IFT140: variants seen among roughly 807,000 people sequenced by gnomAD.
The protein encoded by IFT140 is intraflagellar transport 140, also known as intraflagellar transport protein 140 homolog.
In IFT140, 133 loss-of-function variants were observed where a neutral mutation model predicts 164.6. The ratio of observed to expected loss-of-function variants is 0.81; its 90% CI spans 0.70 to 0.93. The LOEUF (loss-of-function observed/expected upper bound fraction) is 0.93. Ranked by LOEUF, IFT140 falls within the 40% of genes least tolerant of loss-of-function variation. The pLI is 0.00. For synonymous variants in IFT140, 860 were observed against 817.3 expected (o/e 1.05, Z -0.89); for missense variants, 2,045 against 1,972.3 (o/e 1.04, Z -0.70).
chr16:1,571,822 G>A (rs1415300281), intron 13 of IFT140, among the ~76,000 whole-genome samples: 1 of 152,096 alleles, frequency 6.6e-6, no homozygotes, highest in African/African-American at 2.4e-5. Flanking sequence ...CAGTGCGGTC[G>A]ACAAACAAAT....
chr16:1,535,600 CCA>C (rs745904266), intron 19 of IFT140, among the ~76,000 whole-genome samples: 2 of 152,304 alleles, frequency 1.3e-5, no homozygotes, highest in East Asian at 3.9e-4. Flanking sequence ...TGTGCCTCAA[CCA>C]CACAGCTCCA....
At chr16:1,524,304 C>T in intron 24 of IFT140, 2 of 625,302 alleles carry the variant, frequency 3.2e-6, no homozygotes, top group East Asian at 2.8e-5. Flanking sequence ...AGCCTCACCA[C>T]CCACTCAGGA....
intron 15 of IFT140, among the ~76,000 whole-genome samples, chr16:1,567,928 C>A (rs2033807168): frequency 6.6e-6 from 1 of 152,184 alleles, no homozygotes; most frequent in Admixed American, 6.5e-5. Flanking sequence ...GAGCAACTCT[C>A]CAACAAGGAA....
rs1431392705 is a variant in IFT140, at chr16:1,553,257, T to C, written c.2399+4678A>G. The C allele has an allele frequency of 1.0e-6, 1 of 977,882 alleles. No homozygotes were observed. Among genetic ancestry groups the C allele is most frequent in the East Asian group, 1.1e-4 (1 of 8,766 alleles). The allele number at this position is 977,882 out of a possible 1,614,324, so 60.6% of individuals were successfully genotyped here. The stretch of plus-strand genomic sequence containing the variant: ...CTCTGTGTCTGTCTCTGTCTCTCTG[T>C]ATCTCTCTTGGTCTCTGTCTCTCTG... On this transcript the variant is annotated intron_variant, in intron 19 of 30. Transcript: ENST00000426508. The surrounding 1 kb of genome is among the most constrained non-coding windows in gnomAD (Gnocchi z 4.4).
intron 19 of IFT140, chr16:1,534,278 G>T: frequency 6.2e-7 from 1 of 1,611,270 alleles, no homozygotes; most frequent in South Asian, 1.1e-5. Context: ...CGTCAGCGAT[G>T]ACCGTGCAGA....
intron 4 of IFT140, among the ~76,000 whole-genome samples, chr16:1,599,672 C>A: frequency 2.3e-5 from 1 of 42,942 alleles, no homozygotes; most frequent in African/African-American, 1.4e-4. Flanking sequence ...CCCCCCCGCC[C>A]GGCCAGCCGC....
chr16:1,602,584 C>T lies in IFT140; in HGVS notation c.155G>A (p.Cys52Tyr), dbSNP rs765500124. 7 of 1,611,556 alleles carry T rather than the reference C, an allele frequency of 4.3e-6. No homozygotes were observed. Among genetic ancestry groups the T allele is most frequent in the Non-Finnish European group, 5.1e-6 (6 of 1,180,004 alleles). ...CCTCTCGACGTGTGTATCTGGCACG[C>T]ACTCCCCCTGCATTGGATGAGAGGC... is the stretch of plus-strand genomic sequence containing the variant. Reference protein sequence around the residue: ...SVDIYLEQGECVPDTHVERPF... With the variant: ...SVDIYLEQGEYVPDTHVERPF... Residue 52 changes from cysteine to tyrosine, a missense_variant, in exon 4 of 31, where the codon TGC becomes TAC. Transcript: ENST00000426508.
intron 19 of IFT140, chr16:1,555,205 C>T (rs1267015344): frequency 1.3e-6 from 1 of 798,690 alleles, no homozygotes; most frequent in Non-Finnish European, 1.9e-6. Context: ...GGTCATATGT[C>T]TGTACGTGTC....
intron 17 of IFT140, 144 bp downstream of exon 17, chr16:1,563,853 T>C (rs1299476753): frequency 1.4e-6 from 1 of 715,832 alleles, no homozygotes. Context: ...CTCGAACTCC[T>C]GGGCTCAAGC....
chr16:1,510,871 T>C lies in IFT140; in HGVS notation c.*73A>G. On this transcript the variant is annotated 3_prime_UTR_variant, in exon 31 of 31. Coordinates refer to ENST00000426508, the MANE Select transcript of IFT140 (RefSeq NM_014714.4). Reference sequence around the variant, plus strand: ...TTTTTTCCCAGCAAAAATGCTGGCTTTGCCACAGCTGACAAAAAAATTCCA... The same window carrying C: ...TTTTTTCCCAGCAAAAATGCTGGCTCTGCCACAGCTGACAAAAAAATTCCA... 1 of 1,368,452 alleles carries C rather than the reference T, an allele frequency of 7.3e-7. No individual in the cohort carries two copies. 84.8% of individuals were successfully genotyped at this position (1,368,452 alleles called of 1,614,324 possible).
chr16:1,596,164 A>G (rs2035452586), intron 4 of IFT140, among the ~76,000 whole-genome samples: 1 of 144,102 alleles, frequency 6.9e-6, no homozygotes. Flanking sequence ...AAAACCCCCC[A>G]CCTAATGATA....
Position 1,525,988 on chromosome 16 carries a change from G to C in IFT140, c.2667C>G (p.Leu889=), listed in dbSNP as rs1171331420. Residue 889 remains leucine, a synonymous_variant, in exon 21 of 31, where the codon CTC becomes CTG. Transcript: ENST00000426508. The stretch of plus-strand genomic sequence containing the variant: ...CGCGATCGTGGTGCTCGGCTACCTG[G>C]AGGGCCTCCTGCCACCGGCCCGCAG... ...YQAAGRWQEA[L]QVAEHHDRVH... The C allele has an allele frequency of 6.3e-7, 1 of 1,596,658 alleles. No individual in the cohort carries two copies. The highest frequency in any genetic ancestry group is 1.7e-5 in the Admixed American group (1 of 57,868).
intron 19 of IFT140, 200 bp from the exon 20 acceptor site, chr16:1,526,996 C>T (rs906971057): frequency 3.5e-6 from 2 of 573,064 alleles, no homozygotes; most frequent in African/African-American, 3.8e-5. Flanking sequence ...CCACGGCCTT[C>T]CTAACCCCAA....
At chr16:1,525,787 TAAGAAC>T in intron 21 of IFT140, 94 bp downstream of exon 21, 1 of 1,245,382 alleles carries the variant, frequency 8.0e-7, no homozygotes, top group Non-Finnish European at 1.1e-6. Flanking sequence ...ACGCCTCCTC[TAAGAAC>T]CTCCCTGGCC....
At chr16:1,561,578 A>T (rs1255016043) in intron 18 of IFT140, among the ~76,000 whole-genome samples, 2 of 152,188 alleles carry the variant, frequency 1.3e-5, no homozygotes. Flanking sequence ...AGTTCCTAAG[A>T]TCCCTACAGT....
intron 14 of IFT140, 54 bp downstream of exon 14, chr16:1,571,353 G>A: frequency 6.3e-7 from 1 of 1,575,220 alleles, no homozygotes; most frequent in Non-Finnish European, 8.7e-7. Context: ...CCATCACACT[G>A]TCTCCTGACT....
chr16:1,520,928 G>C, intron 26 of IFT140, 120 bp from the exon 27 acceptor site: 1 of 852,834 alleles, frequency 1.2e-6, no homozygotes, highest in East Asian at 2.7e-5. Context: ...CTTCTGTCTA[G>C]CTGGGGTGGG....
At chr16:1,552,289 G>C (rs1033015143) in intron 19 of IFT140, among the ~76,000 whole-genome samples, 3 of 151,994 alleles carry the variant, frequency 2.0e-5, no homozygotes, top group Non-Finnish European at 2.9e-5. Flanking sequence ...TCGCCCCCCT[G>C]CTGGGCTGGG....
At chr16:1,556,600 AC>A (rs1170774301) in intron 19 of IFT140, among the ~76,000 whole-genome samples, 2 of 152,260 alleles carry the variant, frequency 1.3e-5, no homozygotes, top group Non-Finnish European at 2.9e-5. Flanking sequence ...TTGGTCTTCA[AC>A]TGCTAAAGAC....
Sources: gnomAD v4.1 joint callset for allele counts (sites outside exome capture counted in the v4.1 genomes callset) on GRCh38, gnomAD v4.1.1 for gene constraint, Gnocchi (gnomAD v3.1) non-coding constraint, MANE v1.5 for transcripts, NCBI Gene and HGNC (gene_info 2026-07-23, HGNC 2026-07-21) for gene names.